INPP5D: variants seen among roughly 807,000 people sequenced by gnomAD.
INPP5D encodes inositol polyphosphate-5-phosphatase D.
INPP5D carries 33 observed loss-of-function variants against 122.9 expected under a neutral mutation model. That is an observed-to-expected ratio of 0.27 (90% CI 0.20 to 0.36). The LOEUF (loss-of-function observed/expected upper bound fraction) is 0.36, where lower values mean the gene tolerates loss of function less well. INPP5D is among the 10% of genes least tolerant of loss of function. The pLI is 1.00. For synonymous variants in INPP5D, 584 were observed against 576.2 expected (o/e 1.01, Z -0.19); for missense variants, 1,053 against 1,412.7 (o/e 0.75, Z 4.08).
rs756097051 is a variant in INPP5D at position 233,177,260 on chromosome 2, T to G, written c.1990-5T>G. 2 of 1,613,924 alleles carry G rather than the reference T, an allele frequency of 1.2e-6. No individual in the cohort carries two copies. Among genetic ancestry groups the G allele is most frequent in the South Asian group, 2.2e-5 (2 of 91,086 alleles). On this transcript the variant is annotated splice_region_variant and splice_polypyrimidine_tract_variant and intron_variant, in intron 17 of 26. Coordinates refer to ENST00000445964, the MANE Select transcript of INPP5D (RefSeq NM_001017915.3). This position sits in a 1 kb window ranked among gnomAD's most constrained non-coding sequence, Gnocchi z 4.2. ...TTTTTTAAAGCCTATGACTTTGATT[T>G]GCAGATGAAGTACAACTTGCCTTCC...
chr2:233,102,533 C>T (rs1433154096), intron 2 of INPP5D, among the ~76,000 whole-genome samples: 1 of 152,174 alleles, frequency 6.6e-6, no homozygotes, highest in Non-Finnish European at 1.5e-5. Context: ...AGCTAAGAAC[C>T]GGTCTTTCAT....
intron 2 of INPP5D, among the ~76,000 whole-genome samples, chr2:233,081,503 C>T (rs551889041): frequency 1.1e-4 from 16 of 152,312 alleles, no homozygotes; most frequent in South Asian, 2.1e-4. Context: ...CGGCACCCGC[C>T]GCCTGTAAAT....
At chr2:233,066,398 G>A (rs543934583) in intron 1 of INPP5D, among the ~76,000 whole-genome samples, 5 of 152,210 alleles carry the variant, frequency 3.3e-5, no homozygotes, top group African/African-American at 1.2e-4. Flanking sequence ...TCAATAATTC[G>A]TGCCATGCTG....
rs1266209751 is a variant in INPP5D at position 233,100,804 on chromosome 2, G to A, written c.199-21303G>A. ...GGTGGGCCCCACTGGGGAGCTGGAG[G>A]GCTCACTTTTGTCACTGCACTTGCC... On this transcript the variant is annotated intron_variant, in intron 2 of 26. Transcript: ENST00000445964. This position sits in a 1 kb window ranked among gnomAD's most constrained non-coding sequence, Gnocchi z 5.3. 6.6e-6 allele frequency among the ~76,000 whole-genome samples: 1 copy of A among 152,168 alleles called. No homozygotes were observed.
chr2:233,115,731 T>C (rs904517688), intron 2 of INPP5D, among the ~76,000 whole-genome samples: 1 of 152,186 alleles, frequency 6.6e-6, no homozygotes, highest in Non-Finnish European at 1.5e-5. Flanking sequence ...CTTTCTTCAA[T>C]GGAGAGGTCC....
rs572084540 is a variant in INPP5D, at chr2:233,122,157, C to T, written c.249C>T (p.Ile83=). 9.9e-6 allele frequency: 16 copies of T among 1,613,932 alleles called. No individual in the cohort carries two copies. In the East Asian group the frequency reaches 2.0e-4, roughly 20 times the overall value. The change falls in exon 3 of 27, where the codon ATC becomes ATT. Residue 83 remains isoleucine, a synonymous_variant. Transcript: ENST00000445964. ...MRFFTKLDQL[I]EFYKKENMGL... ...TCTTCACCAAGCTGGACCAGCTCAT[C>T]GAGTTTTACAAGAAGGAAAACATGG...
chr2:233,079,260 A>G (rs1250925971), intron 1 of INPP5D, 75 bp from the exon 2 acceptor site: 19 of 907,490 alleles, frequency 2.1e-5, no homozygotes. Context: ...CTGTGTCAGG[A>G]AGTCTTGTCT....
intron 1 of INPP5D, among the ~76,000 whole-genome samples, chr2:233,068,088 C>A (rs1691272979): frequency 6.6e-6 from 1 of 151,890 alleles, no homozygotes; most frequent in Non-Finnish European, 1.5e-5. Flanking sequence ...GAGTTCAAGA[C>A]CAGCATGACC....
intron 2 of INPP5D, among the ~76,000 whole-genome samples, chr2:233,084,141 GCTCCCAGGCTCAAGCAATT>G (rs1188497057): frequency 6.6e-6 from 1 of 152,182 alleles, no homozygotes; most frequent in Non-Finnish European, 1.5e-5. Flanking sequence ...TGCAACCTCT[GCTCCCAGGCTCAAGCAATT>G]CTCCCACCTC....
chr2:233,165,342 CTATG>C (rs1221472744), intron 13 of INPP5D, among the ~76,000 whole-genome samples: 2 of 149,882 alleles, frequency 1.3e-5, no homozygotes, highest in Admixed American at 6.6e-5. Flanking sequence ...CCACCCATAT[CTATG>C]TGTGTGAGTG....
At chr2:233,138,753 TTTTA>T (rs1478370163) in intron 5 of INPP5D, among the ~76,000 whole-genome samples, 1 of 151,636 alleles carries the variant, frequency 6.6e-6, no homozygotes, top group Non-Finnish European at 1.5e-5. Flanking sequence ...TTATTTTTAT[TTTTA>T]TTTTTGAGAC....
At chr2:233,179,909 A>G (rs1021725652) in intron 18 of INPP5D, among the ~76,000 whole-genome samples, 5 of 152,128 alleles carry the variant, frequency 3.3e-5, no homozygotes, top group African/African-American at 1.2e-4. Flanking sequence ...TAAAGCAAAC[A>G]TTTATTTGCT....
rs1401957233 is a variant in INPP5D at position 233,100,459 on chromosome 2, T to C, written c.198+21061T>C. Among the ~76,000 whole-genome samples the C allele has an allele frequency of 6.6e-6, 1 of 152,100 alleles. No individual in the cohort carries two copies. Among genetic ancestry groups the C allele is most frequent in the East Asian group, 1.9e-4 (1 of 5,188 alleles). On this transcript the variant is annotated intron_variant, in intron 2 of 26. Transcript: ENST00000445964. The surrounding 1 kb of genome is among the most constrained non-coding windows in gnomAD (Gnocchi z 5.3). The stretch of plus-strand genomic sequence containing the variant: ...TCTAGCCTCTTGCCTGGGGTGGACG[T>C]CAAGCTCACTACACTGTAAACTCCA...
In INPP5D at chr2:233,193,888, G is replaced by A; in HGVS notation, c.2523G>A (p.Gly841=). ...TCTACACGCCTCTCACCCACCATGG[G>A]GAGTTGACAGGCCACTTCCAGGGGG... ...LPIYTPLTHH[G]ELTGHFQGEI... Residue 841 remains glycine (G), a synonymous_variant, in exon 23 of 27, where the codon GGG becomes GGA. Transcript: ENST00000445964. The A allele has an allele frequency of 1.2e-6, 2 of 1,613,938 alleles. No individual in the cohort carries two copies. The highest frequency in any genetic ancestry group is 2.2e-5 in the East Asian group (1 of 44,872).
intron 1 of INPP5D, among the ~76,000 whole-genome samples, chr2:233,076,018 C>T (rs1357532734): frequency 2.0e-5 from 3 of 152,166 alleles, no homozygotes; most frequent in Admixed American, 1.3e-4. Context: ...AAAGGTTTGT[C>T]TGCCACACTT....
chr2:233,150,861 G>A (rs1244711483), intron 9 of INPP5D, among the ~76,000 whole-genome samples: 3 of 152,142 alleles, frequency 2.0e-5, no homozygotes, highest in South Asian at 2.1e-4. Flanking sequence ...GGCTCTGACC[G>A]GGATTTGAAG....
intron 21 of INPP5D, among the ~76,000 whole-genome samples, chr2:233,186,662 G>GA (rs1488668462): frequency 2.3e-5 from 1 of 44,126 alleles, no homozygotes; most frequent in Non-Finnish European, 5.1e-5. Flanking sequence ...TTTTTCTCTT[G>GA]TTTTTTTTTC....
At chr2:233,079,488 C>A in intron 2 of INPP5D, 90 bp downstream of exon 2, 2 of 847,350 alleles carry the variant, frequency 2.4e-6, no homozygotes, top group Non-Finnish European at 4.0e-6. Context: ...GAAGTGCACG[C>A]GCAGGTAGCC....
Position 233,206,989 on chromosome 2 carries a change from G to T in INPP5D, c.*281G>T. ...ACTTGGGACCCCAGTGCCTCGTTGA[G>T]GGCGCCATTCTGAAGAAAGGAACTG... On this transcript the variant is annotated 3_prime_UTR_variant, in exon 27 of 27. Transcript: ENST00000445964. The surrounding 1 kb of genome is among the most constrained non-coding windows in gnomAD (Gnocchi z 4.0). The T allele has an allele frequency of 2.4e-6, 1 of 425,318 alleles. No individual in the cohort carries two copies. Among genetic ancestry groups the T allele is most frequent in the Non-Finnish European group, 4.3e-6 (1 of 234,498 alleles). 26.3% of individuals were successfully genotyped at this position (425,318 alleles called of 1,614,324 possible). A position where few individuals can be genotyped will look rare whatever the true frequency, so the allele number is the denominator to read the frequency against.
Sources: gnomAD v4.1 joint callset for allele counts (sites outside exome capture counted in the v4.1 genomes callset) on GRCh38, gnomAD v4.1.1 for gene constraint, Gnocchi (gnomAD v3.1) non-coding constraint, MANE v1.5 for transcripts, NCBI Gene and HGNC (gene_info 2026-07-23, HGNC 2026-07-21) for gene names.